Variants in OPLAH observed in about 807,000 individuals in gnomAD.
OPLAH encodes the protein 5-oxoprolinase.
Under a neutral mutation model 122.8 loss-of-function variants are expected in OPLAH, and 103 were observed. That is an observed-to-expected ratio of 0.84 (90% confidence interval 0.71 to 0.99). The LOEUF (loss-of-function observed/expected upper bound fraction) is 0.99. Ranked by LOEUF, OPLAH falls within the 50% of genes least tolerant of loss-of-function variation. The pLI is 0.00. For synonymous variants in OPLAH, 875 were observed against 796.0 expected, an observed-to-expected ratio of 1.10 and a Z score of -1.67; for missense variants, 1,902 against 1,836.5, an observed-to-expected ratio of 1.04 and a Z score of -0.65.
chr8:144,057,360 C>T, intron 10 of OPLAH, 40 bp from the exon 11 acceptor site: 3 of 1,585,496 alleles, frequency 1.9e-6, no homozygotes, highest in Non-Finnish European at 2.6e-6. Flanking sequence ...TCCTACTCTA[C>T]CCCATCCAGC....
rs540094671 is a variant in OPLAH, at chr8:144,053,107, C to G, written c.2894G>C (p.Arg965Pro). 1 of 1,606,568 alleles carries G rather than the reference C, an allele frequency of 6.2e-7. No individual in the cohort carries two copies. The highest frequency in any genetic ancestry group is 8.5e-7 in the Non-Finnish European group (1 of 1,177,164). Residue 965 changes from arginine (R) to proline (P), a missense_variant, in exon 21 of 27, where the codon CGA becomes CCA. This residue lies in a region of OPLAH where 1,726 missense variants were observed against 1,642.1 expected (regional missense o/e 1.05). Coordinates refer to ENST00000618853, the MANE Select transcript of OPLAH (RefSeq NM_017570.5). Reference sequence around the variant, plus strand: ...GGTTCCAAAGGCACGCAACATGTCTCGCACGGCCAGCTCAGCGTTTGCCTG... The same window carrying G: ...GGTTCCAAAGGCACGCAACATGTCTGGCACGGCCAGCTCAGCGTTTGCCTG... ...HIQANAELAV[R>P]DMLRAFGTSR...
Position 144,059,714 on chromosome 8 carries a change from A to G in OPLAH, c.248T>C (p.Val83Ala). Residue 83 changes from valine to alanine, a missense_variant, in exon 3 of 27, where the codon GTG becomes GCG. Coordinates refer to ENST00000618853, the MANE Select transcript of OPLAH (RefSeq NM_017570.5). ...HIASIRMGTT[V>A]ATNALLERKG... ...CCGCTCCAGCAGTGCGTTGGTGGCC[A>G]CTGTGGTGCCCATGCGGATGCTGGC... The G allele has an allele frequency of 6.2e-7, 1 of 1,611,704 alleles. No individual in the cohort carries two copies. The highest frequency in any genetic ancestry group is 8.5e-7 in the Non-Finnish European group (1 of 1,179,764).
downstream of OPLAH, chr8:144,051,261 C>G (rs1587548174): frequency 7.5e-6 from 12 of 1,597,744 alleles, no homozygotes; most frequent in East Asian, 1.8e-4. Flanking sequence ...ACTCGGAGCA[C>G]GAACTAGGCG....
chr8:144,054,871 G>C lies in OPLAH; in HGVS notation c.2452C>G (p.Leu818Val), dbSNP rs782335672. The change falls in exon 18 of 27, where the codon CTG becomes GTG. Residue 818 changes from leucine (L) to valine (V), a missense_variant. Leu to Val is a conservative substitution (Grantham distance 32, BLOSUM62 1). This residue lies in a region of OPLAH where 1,726 missense variants were observed against 1,642.1 expected (regional missense o/e 1.05). Coordinates refer to ENST00000618853, the MANE Select transcript of OPLAH (RefSeq NM_017570.5). Reference sequence around the variant, plus strand: ...CCCCCGGCACTGGGATGGTTGCTCAGTAGCACGTCGCCAGGGTGGAGATCG... The same window carrying C: ...CCCCCGGCACTGGGATGGTTGCTCACTAGCACGTCGCCAGGGTGGAGATCG... ...GADLHPGDVL[L>V]SNHPSAGGSH... 8.7e-6 allele frequency: 14 copies of C among 1,611,294 alleles called. No individual in the cohort carries two copies. The highest frequency in any genetic ancestry group is 1.2e-5 in the Non-Finnish European group (14 of 1,179,360).
At chr8:144,054,971 G>T (rs1278302883) in intron 17 of OPLAH, 58 bp from the exon 18 acceptor site, 26 of 604,584 alleles carry the variant, frequency 4.3e-5, no homozygotes, top group Middle Eastern at 6.7e-4. Context: ...AGAGCGGGGT[G>T]GGGGGGGGGT....
chr8:144,051,222 G>C (rs1396339129), downstream of OPLAH: 1 of 1,549,594 alleles, frequency 6.5e-7, no homozygotes, highest in Non-Finnish European at 8.7e-7. Context: ...GCACAGATGA[G>C]GGGCGCGCGG....
At chr8:144,050,527 C>T (rs1313133420), downstream of OPLAH, 5 of 985,296 alleles carry the variant, frequency 5.1e-6, no homozygotes, top group South Asian at 1.9e-4. Flanking sequence ...GCGCGCCCGC[C>T]TCTCTCTGCA....
rs1835380303 is a variant in OPLAH at position 144,051,717 on chromosome 8, C to T, written c.3720+12G>A. The T allele has an allele frequency of 6.3e-7, 1 of 1,588,010 alleles. No homozygotes were observed. Among genetic ancestry groups the T allele is most frequent in the Non-Finnish European group, 8.5e-7 (1 of 1,169,964 alleles). On this transcript the variant is annotated intron_variant, in intron 26 of 26. Coordinates refer to ENST00000618853, the MANE Select transcript of OPLAH (RefSeq NM_017570.5). ...GGGAGGGGAGGGGGACAGGACAGGCCGCGGCCCTTACCCCGGGGTACACGG... is the reference window on the plus strand; with the variant it reads ...GGGAGGGGAGGGGGACAGGACAGGCTGCGGCCCTTACCCCGGGGTACACGG...
downstream of OPLAH, chr8:144,050,955 G>C: frequency 9.6e-7 from 1 of 1,043,442 alleles, no homozygotes; most frequent in South Asian, 3.7e-5. Context: ...CCTGGAGCAG[G>C]AGAAAGGGCG....
chr8:144,052,586 G>A lies in OPLAH; in HGVS notation c.3166C>T (p.Pro1056Ser), dbSNP rs782539565. 7.5e-6 allele frequency: 12 copies of A among 1,595,810 alleles called. No homozygotes were observed. Among genetic ancestry groups the A allele is most frequent in the Non-Finnish European group, 8.5e-6 (10 of 1,177,152 alleles). Residue 1056 changes from proline (P) to serine (S), a missense_variant, in exon 23 of 27, where the codon CCA becomes TCA. By Grantham distance (74) the Pro-to-Ser change is moderately conservative (BLOSUM62 -1). This residue lies in a region of OPLAH where 1,726 missense variants were observed against 1,642.1 expected (regional missense o/e 1.05). Coordinates refer to ENST00000618853, the MANE Select transcript of OPLAH (RefSeq NM_017570.5). Reference sequence around the variant, plus strand: ...CCTCGGGGAATGACCACGCGCACTGGCGCCAGGCAGCCCTGTGCGGGGCGG... The same window carrying A: ...CCTCGGGGAATGACCACGCGCACTGACGCCAGGCAGCCCTGTGCGGGGCGG... ...DIPLNQGCLA[P>S]VRVVIPRGSI...
In OPLAH at chr8:144,056,660, C is replaced by T. The variant is rs782166754; in HGVS notation, c.1802G>A (p.Arg601His). ...VSAHQHPATA[R>H]SPRAGDFGAA... The stretch of plus-strand genomic sequence containing the variant: ...CCCGAAGTCCCCCGCACGGGGCGAG[C>T]GGGCTGTGGCTGGGTGCTGGTGGGC... Residue 601 changes from arginine to histidine, a missense_variant, in exon 13 of 27, where the codon CGC (arginine) becomes CAC (histidine). By Grantham distance (29) the Arg-to-His change is conservative (BLOSUM62 0). Coordinates refer to ENST00000618853, the MANE Select transcript of OPLAH (RefSeq NM_017570.5). 15 of 1,611,868 alleles carry T rather than the reference C, an allele frequency of 9.3e-6. No homozygotes were observed. Among genetic ancestry groups the T allele is most frequent in the African/African-American group, 4.0e-5 (3 of 74,918 alleles).
chr8:144,050,454 G>C, downstream of OPLAH: 1 of 985,648 alleles, frequency 1.0e-6, no homozygotes, highest in Non-Finnish European at 1.2e-6. Flanking sequence ...ATAACTGCTG[G>C]AAAGGTCCAG....
At chr8:144,061,253 G>A (rs1242325401), upstream of OPLAH, among the ~76,000 whole-genome samples, 3 of 152,222 alleles carry the variant, frequency 2.0e-5, no homozygotes, top group Non-Finnish European at 2.9e-5. Context: ...GACGATTAAT[G>A]CATTCTAAGT....
At chr8:144,054,425 A>G in intron 19 of OPLAH, 136 bp downstream of exon 19, 1 of 947,072 alleles carries the variant, frequency 1.1e-6, no homozygotes. Flanking sequence ...CCTTTGGGGT[A>G]ACCACCTATC....
chr8:144,052,070 C>G lies in OPLAH; in HGVS notation c.3468G>C (p.Pro1156=). The G allele has an allele frequency of 6.3e-7, 1 of 1,582,450 alleles. No individual in the cohort carries two copies. The highest frequency in any genetic ancestry group is 8.5e-7 in the Non-Finnish European group (1 of 1,171,638). The change falls in exon 25 of 27, where the codon CCG becomes CCC. Residue 1156 remains proline, a synonymous_variant. Coordinates refer to ENST00000618853, the MANE Select transcript of OPLAH (RefSeq NM_017570.5). Reference sequence around the variant, plus strand: ...GCAGCTCGAAGCGGCGCAGGATGACCGGGTACCTGCGAGGGCGAGGACGAG... The same window carrying G: ...GCAGCTCGAAGCGGCGCAGGATGACGGGGTACCTGCGAGGGCGAGGACGAG... ...TDPEILESRY[P]VILRRFELRR...
Position 144,058,027 on chromosome 8 carries a change from A to AC in OPLAH, c.1070dup (p.Ser358PhefsTer38), listed in dbSNP as rs1835567984. ...GAGCTGACCTGAAGAAGAGGCGGGA[A>AC]CCCCCTCCCGCTGCCACGGTGTTGA... On this transcript the variant is annotated frameshift_variant, in exon 8 of 27. Transcript: ENST00000618853. LOFTEE classifies it high-confidence loss of function. 8.1e-6 allele frequency: 13 copies of AC among 1,612,114 alleles called. No homozygotes were observed. Among genetic ancestry groups the AC allele is most frequent in the Non-Finnish European group, 1.1e-5 (13 of 1,179,676 alleles).
rs543713094 is a variant in OPLAH at position 144,055,799 on chromosome 8, A to G, written c.2237T>C (p.Met746Thr). 6.5e-7 allele frequency: 1 copy of G among 1,544,296 alleles called. No individual in the cohort carries two copies. The highest frequency in any genetic ancestry group is 2.0e-5 in the Admixed American group (1 of 50,090). ...CAGCGGCCACTCACCAGCAATGCTCATGAAGCGGTGTGAGAAGATGGACAG... is the reference window on the plus strand; with the variant it reads ...CAGCGGCCACTCACCAGCAATGCTCGTGAAGCGGTGTGAGAAGATGGACAG... ...IQLSIFSHRF[M>T]SIAEQMGRIL... is the part of the protein sequence containing the mutation. The change falls in exon 16 of 27, where the codon ATG becomes ACG. Residue 746 changes from methionine to threonine, a missense_variant. By Grantham distance (81) the Met-to-Thr change is moderately conservative. Around this residue, in one of 3 missense-constraint regions of OPLAH, gnomAD observed 1,726 missense variants for 1,642.1 expected, o/e 1.05. Transcript: ENST00000618853. The surrounding 1 kb of genome is among the most constrained non-coding windows in gnomAD (Gnocchi z 6.5).
In OPLAH at chr8:144,052,171, G is replaced by A; in HGVS notation, c.3459C>T (p.Ser1153=). The A allele has an allele frequency of 6.4e-7, 1 of 1,567,422 alleles. No homozygotes were observed. The highest frequency in any genetic ancestry group is 8.6e-7 in the Non-Finnish European group (1 of 1,159,316). The part of the protein sequence containing the change: ...TRITDPEILE[S]RYPVILRRFE... ...CAGCCTCCGCGCACGCCGCTCACCG[G>A]CTCTCCAGGATCTCAGGGTCGGTGA... is the stretch of plus-strand genomic sequence containing the variant. The change falls in exon 24 of 27, where the codon AGC becomes AGT. Residue 1153 remains serine (S), a splice_region_variant and synonymous_variant. Transcript: ENST00000618853.
In OPLAH at chr8:144,053,064, G is replaced by A. The variant is rs1554758117; in HGVS notation, c.2937C>T (p.Gly979=). The change falls in exon 21 of 27, where the codon GGC becomes GGT. Residue 979 remains glycine, a synonymous_variant. Coordinates refer to ENST00000618853, the MANE Select transcript of OPLAH (RefSeq NM_017570.5). ...CTTCCGAGGACACCTCCAGGGGCAGGCCCCGGGCCTGCCGGGAGGTTCCAA... is the reference window on the plus strand; with the variant it reads ...CTTCCGAGGACACCTCCAGGGGCAGACCCCGGGCCTGCCGGGAGGTTCCAA... ...RAFGTSRQAR[G]LPLEVSSEDH... 6.2e-7 allele frequency: 1 copy of A among 1,601,798 alleles called. No individual in the cohort carries two copies.
Sources: allele counts gnomAD v4.1 joint callset (sites outside exome capture counted in the v4.1 genomes callset), GRCh38; gene constraint gnomAD v4.1.1; regional missense constraint gnomAD v4.1.1; non-coding constraint Gnocchi (gnomAD v3.1); transcripts MANE v1.5; gene names NCBI Gene and HGNC (gene_info 2026-07-23, HGNC 2026-07-21).